The following PPP4R3B variants were observed in gnomAD, a reference collection of about 807,000 sequenced individuals.
The protein encoded by PPP4R3B is protein phosphatase 4 regulatory subunit 3B.
A neutral mutation model predicts 95.4 loss-of-function variants in PPP4R3B; 52 were observed. The ratio of observed to expected loss-of-function variants is 0.54; its 90% CI spans 0.44 to 0.69. PPP4R3B has a LOEUF of 0.69. Ranked by LOEUF, PPP4R3B falls within the 30% of genes least tolerant of loss-of-function variation. PPP4R3B has a pLI of 0.00. For missense variants in PPP4R3B, 1,003 were observed against 1,005.9 expected (o/e 1.00, Z 0.04); for synonymous variants, 407 against 343.9 (o/e 1.18, Z -2.03).
chr2:55,558,851 G>A lies in PPP4R3B; in HGVS notation c.2378C>T (p.Ala793Val). Residue 793 changes from alanine (A) to valine (V), a missense_variant, in exon 16 of 17, where the codon GCT (alanine) becomes GTT (valine). Around this residue, in one of 3 missense-constraint regions of PPP4R3B, gnomAD observed 229 missense variants for 194.7 expected, o/e 1.18. Transcript: ENST00000616407. Reference protein sequence around the residue: ...ANGTNSKSVVAQIPPATSNGS... With the variant: ...ANGTNSKSVVVQIPPATSNGS... ...ATTAGAAGTTGCTGGTGGTATCTGA[G>A]CCACTACAGATTTACTGTTTGTTCC... 2 of 1,613,988 alleles carry A rather than the reference G, an allele frequency of 1.2e-6. No individual in the cohort carries two copies. Among genetic ancestry groups the A allele is most frequent in the Non-Finnish European group, 1.7e-6 (2 of 1,179,908 alleles).
At chr2:55,566,344 T>C (rs1040573988) in intron 13 of PPP4R3B, among the ~76,000 whole-genome samples, 1 of 152,174 alleles carries the variant, frequency 6.6e-6, no homozygotes, top group African/African-American at 2.4e-5. Flanking sequence ...CCACTCGAAC[T>C]TATTTTCACA....
intron 2 of PPP4R3B, among the ~76,000 whole-genome samples, chr2:55,608,402 G>A (rs923574005): frequency 6.6e-6 from 1 of 152,146 alleles, no homozygotes; most frequent in East Asian, 1.9e-4. Context: ...GCTGAGGACT[G>A]ACCCTGGGAA....
intron 3 of PPP4R3B, among the ~76,000 whole-genome samples, chr2:55,601,936 A>C (rs1241509724): frequency 6.6e-6 from 1 of 152,182 alleles, no homozygotes; most frequent in Non-Finnish European, 1.5e-5. Flanking sequence ...TTGAATAATT[A>C]AACTAAACTA....
chr2:55,593,114 C>T lies in PPP4R3B; in HGVS notation c.922-4158G>A, dbSNP rs1389994302. On this transcript the variant is annotated intron_variant, in intron 4 of 16. Transcript: ENST00000616407. The stretch of plus-strand genomic sequence containing the variant: ...CAGAGGCTGCAGTGAGCCAAGATGG[C>T]GCCACTGCACTCCAGCCTGGGTGAC... 5.9e-5 allele frequency among the ~76,000 whole-genome samples: 9 copies of T among 152,218 alleles called. No homozygotes were observed. The East Asian group carries it at 7.7e-4, about 13-fold the overall frequency.
At chr2:55,608,418 C>A (rs1217555163) in intron 2 of PPP4R3B, among the ~76,000 whole-genome samples, 1 of 152,214 alleles carries the variant, frequency 6.6e-6, no homozygotes, top group Non-Finnish European at 1.5e-5. Context: ...GGGAAACAGT[C>A]AACGGTTACT....
rs773777310 is a variant in PPP4R3B, at chr2:55,558,789, C to G, written c.2440G>C (p.Val814Leu). ...SSKTTNLPTS[V>L]TATKGSLVGL... ...GTTTCACCTACCTTGGTGGCTGTTACTGACGTAGGCAAGTTTGTGGTTTTG... is the reference window on the plus strand; with the variant it reads ...GTTTCACCTACCTTGGTGGCTGTTAGTGACGTAGGCAAGTTTGTGGTTTTG... The change falls in exon 16 of 17, where the codon GTA (valine) becomes CTA (leucine). Residue 814 changes from valine (V) to leucine (L), a missense_variant. Val to Leu is a conservative substitution (Grantham distance 32). Around this residue, in one of 3 missense-constraint regions of PPP4R3B, gnomAD observed 229 missense variants for 194.7 expected, o/e 1.18. Transcript: ENST00000616407. 1 of 1,607,774 alleles carries G rather than the reference C, an allele frequency of 6.2e-7. No individual in the cohort carries two copies. The highest frequency in any genetic ancestry group is 8.5e-7 in the Non-Finnish European group (1 of 1,176,044).
At chr2:55,552,220 A>C (rs1310491557) in intron 16 of PPP4R3B, among the ~76,000 whole-genome samples, 1 of 152,208 alleles carries the variant, frequency 6.6e-6, no homozygotes. Context: ...TAATCTAGAG[A>C]TGCACTTTGT....
Position 55,596,636 on chromosome 2 carries a change from A to T in PPP4R3B, c.921+1780T>A, listed in dbSNP as rs549363676. 2.0e-5 allele frequency among the ~76,000 whole-genome samples: 3 copies of T among 152,380 alleles called. No individual in the cohort carries two copies. The South Asian group carries it at 6.2e-4, about 32-fold the overall frequency. ...ACACTGCAGCCAAGCACTACTGGCG[A>T]GTATTCACAGGACAGACAGGAAAAG... On this transcript the variant is annotated intron_variant, in intron 4 of 16. Transcript: ENST00000616407.
In PPP4R3B at chr2:55,604,214, G is replaced by T. The variant is rs141941544; in HGVS notation, c.199-138C>A. On this transcript the variant is annotated intron_variant, in intron 2 of 16. Coordinates refer to ENST00000616407, the MANE Select transcript of PPP4R3B (RefSeq NM_001122964.3). ...TGAGTAATCAATGTATATCTGATTG[G>T]CATTATTAGTAATATATTGGCAATA... 5 of 486,952 alleles carry T rather than the reference G, an allele frequency of 1.0e-5. No homozygotes were observed. In the East Asian group the frequency reaches 1.4e-4, roughly 13 times the overall value. The allele number at this position is 486,952 out of a possible 1,614,324, so 30.2% of individuals were successfully genotyped here.
intron 1 of PPP4R3B, among the ~76,000 whole-genome samples, chr2:55,616,843 G>A (rs1314810722): frequency 1.3e-5 from 2 of 152,072 alleles, no homozygotes; most frequent in East Asian, 1.9e-4. Context: ...GGCGACATCA[G>A]TACCTAGTCT....
At position 55,572,119 on chromosome 2, in the gene PPP4R3B, T is replaced by G. The variant is rs192084934; in HGVS notation, c.1765+1500A>C. Among the ~76,000 whole-genome samples, 360 of 152,336 alleles carry G rather than the reference T, an allele frequency of 2.4e-3. 4 individuals are homozygous for G. The highest frequency in any genetic ancestry group is 8.4e-3 in the African/African-American group (349 of 41,582). ...CATTTCAAACACTCTCATTTCAAAG[T>G]ATATGTGCAAAAACAAATTTCACAT... On this transcript the variant is annotated intron_variant, in intron 12 of 16. Transcript: ENST00000616407.
At chr2:55,573,556 A>C in intron 12 of PPP4R3B, 63 bp downstream of exon 12, 1 of 1,417,164 alleles carries the variant, frequency 7.1e-7, no homozygotes, top group Non-Finnish European at 9.5e-7. Flanking sequence ...AAATAACTTC[A>C]AATGGGTAAC....
At chr2:55,612,232 T>C (rs1278523923) in intron 2 of PPP4R3B, among the ~76,000 whole-genome samples, 1 of 152,112 alleles carries the variant, frequency 6.6e-6, no homozygotes, top group Non-Finnish European at 1.5e-5. Flanking sequence ...CAAGATCCCA[T>C]CTCTGAAAAC....
chr2:55,613,087 A>C (rs932483458), intron 2 of PPP4R3B, among the ~76,000 whole-genome samples: 10 of 152,160 alleles, frequency 6.6e-5, no homozygotes, highest in African/African-American at 2.2e-4. Context: ...CTCCAGCCTA[A>C]GGGACAGAAG....
At chr2:55,613,026 G>A (rs1053599940) in intron 2 of PPP4R3B, among the ~76,000 whole-genome samples, 9 of 152,078 alleles carry the variant, frequency 5.9e-5, no homozygotes, top group Non-Finnish European at 1.2e-4. Context: ...TTGGAGGATC[G>A]CTTGAGCCCA....
intron 16 of PPP4R3B, among the ~76,000 whole-genome samples, chr2:55,556,745 A>G (rs868681807): frequency 4.6e-5 from 7 of 152,330 alleles, no homozygotes; most frequent in Middle Eastern, 6.8e-3. Flanking sequence ...AAGCTTATAA[A>G]GTAGGTACTA....
intron 2 of PPP4R3B, among the ~76,000 whole-genome samples, chr2:55,610,674 G>C (rs1007324410): frequency 6.6e-6 from 1 of 152,082 alleles, no homozygotes; most frequent in Non-Finnish European, 1.5e-5. Flanking sequence ...CTGTACCTTT[G>C]TTGCCTCATG....
rs942809837 is a variant in PPP4R3B at position 55,601,384 on chromosome 2, C to CT, written c.298-2346dup. On this transcript the variant is annotated intron_variant, in intron 3 of 16. Transcript: ENST00000616407. ...GATGAACCAGACCAACTGTCTTTTT[C>CT]TTTTTTTTTTTTTTGAGACAGAGTC... is the stretch of plus-strand genomic sequence containing the variant. Among the ~76,000 whole-genome samples, 970 of 142,038 alleles carry CT rather than the reference C, an allele frequency of 6.8e-3. 5 individuals are homozygous for CT. Among genetic ancestry groups the CT allele is most frequent in the Middle Eastern group, 0.029 (8 of 280 alleles). The allele number at this position is 142,038 out of a possible 152,430, so 93.2% of individuals were successfully genotyped here.
chr2:55,579,433 G>A (rs1229611984), intron 9 of PPP4R3B, among the ~76,000 whole-genome samples: 3 of 151,446 alleles, frequency 2.0e-5, no homozygotes, highest in Non-Finnish European at 2.9e-5. Context: ...TGGTCTACAC[G>A]TTCAGAGAAA....
Sources: gnomAD v4.1 joint callset for allele counts (sites outside exome capture counted in the v4.1 genomes callset) on GRCh38, gnomAD v4.1.1 for gene constraint, gnomAD v4.1.1 regional missense constraint, MANE v1.5 for transcripts, NCBI Gene and HGNC (gene_info 2026-07-23, HGNC 2026-07-21) for gene names.